Variants in GMDS observed in about 807,000 individuals in gnomAD.
GMDS encodes the protein GDP-mannose 4,6-dehydratase.
In GMDS, 20 loss-of-function variants were observed where a neutral mutation model predicts 49.9. The observed-to-expected ratio is 0.40, with a 90% confidence interval of 0.28 to 0.58. GMDS has a LOEUF of 0.58. Ranked by LOEUF, GMDS falls within the 20% of genes least tolerant of loss-of-function variation. The probability of loss-of-function intolerance (pLI) is 0.42; values close to 1 mark genes in which losing one functional copy is unlikely to be tolerated. For missense variants in GMDS, 362 were observed against 481.4 expected (o/e 0.75, Z 2.32); for synonymous variants, 177 against 178.6 (o/e 0.99, Z 0.07).
At chr6:1,797,558 A>G (rs1769790114) in intron 7 of GMDS, among the ~76,000 whole-genome samples, 1 of 152,224 alleles carries the variant, frequency 6.6e-6, no homozygotes, top group South Asian at 2.1e-4. Context: ...AGTTACTAAC[A>G]TTTTAAAATA....
chr6:2,245,359 G>A lies in GMDS; in HGVS notation c.64C>T (p.Pro22Ser). 1 of 1,553,220 alleles carries A rather than the reference G, an allele frequency of 6.4e-7. No homozygotes were observed. Among genetic ancestry groups the A allele is most frequent in the Non-Finnish European group, 8.7e-7 (1 of 1,154,740 alleles). The change falls in exon 1 of 11, where the codon CCC becomes TCC. Residue 22 changes from proline to serine, a missense_variant. Physicochemically the swap from Pro to Ser is moderately conservative, Grantham distance 74. Coordinates refer to ENST00000380815, the MANE Select transcript of GMDS (RefSeq NM_001500.4). Reference protein sequence around the residue: ...RGSGDGEMGKPRNVALITGIT... With the variant: ...RGSGDGEMGKSRNVALITGIT... ...CCGGTGATGAGCGCCACGTTCCTGG[G>A]CTTGCCCATCTCGCCGTCCCCGGAG...
At chr6:1,727,070 G>C (rs1305739424) in intron 8 of GMDS, among the ~76,000 whole-genome samples, 2 of 152,096 alleles carry the variant, frequency 1.3e-5, no homozygotes, top group East Asian at 3.8e-4. Context: ...GGCCCCCTTA[G>C]TAAGTCTCAG....
chr6:2,026,911 A>G (rs1430186462), intron 4 of GMDS, among the ~76,000 whole-genome samples: 1 of 152,226 alleles, frequency 6.6e-6, no homozygotes, highest in Non-Finnish European at 1.5e-5. Flanking sequence ...GATGTTACCA[A>G]GAAATAGGAA....
At chr6:1,902,716 C>T (rs1249254929) in intron 7 of GMDS, among the ~76,000 whole-genome samples, 1 of 152,152 alleles carries the variant, frequency 6.6e-6, no homozygotes, top group Non-Finnish European at 1.5e-5. Flanking sequence ...TCTAAAAATT[C>T]CTTACAAGTA....
intron 7 of GMDS, among the ~76,000 whole-genome samples, chr6:1,861,130 C>G (rs2113785008): frequency 6.6e-6 from 1 of 152,302 alleles, no homozygotes; most frequent in Admixed American, 6.5e-5. Context: ...TGAGCCAGAT[C>G]ACTGGAGGAG....
At chr6:2,131,969 G>A (rs1322028110) in intron 1 of GMDS, among the ~76,000 whole-genome samples, 2 of 152,114 alleles carry the variant, frequency 1.3e-5, no homozygotes, top group Non-Finnish European at 2.9e-5. Flanking sequence ...TACTAAGAAG[G>A]ATAGTGAGCA....
In GMDS at chr6:1,646,629, C is replaced by T. The variant is rs1763493842; in HGVS notation, c.988-22089G>A. On this transcript the variant is annotated intron_variant, in intron 9 of 10. Coordinates refer to ENST00000380815, the MANE Select transcript of GMDS (RefSeq NM_001500.4). ...AAACTCCTGGGCTCAAGCAATCCAC[C>T]CACTTTGGCCTCCCAAAGTGCTGAA... Among the ~76,000 whole-genome samples the T allele has an allele frequency of 2.0e-5, 3 of 152,108 alleles. 1 individual carries two copies. The highest frequency in any genetic ancestry group is 6.5e-5 in the Admixed American group (1 of 15,282).
chr6:2,110,164 A>T (rs565179833), intron 4 of GMDS, among the ~76,000 whole-genome samples: 9 of 152,230 alleles, frequency 5.9e-5, no homozygotes, highest in African/African-American at 2.2e-4. Context: ...CAGATGTTCA[A>T]CTATAGACTC....
intron 9 of GMDS, among the ~76,000 whole-genome samples, chr6:1,683,495 C>T: frequency 6.6e-6 from 1 of 152,126 alleles, no homozygotes; most frequent in East Asian, 1.9e-4. Context: ...TTATTTTAAC[C>T]CAAGAAACTC....
At chr6:2,188,116 G>A (rs968829020) in intron 1 of GMDS, among the ~76,000 whole-genome samples, 1 of 152,062 alleles carries the variant, frequency 6.6e-6, no homozygotes, top group Admixed American at 6.5e-5. Flanking sequence ...TGCATCACTG[G>A]GGGCAACATG....
intron 7 of GMDS, among the ~76,000 whole-genome samples, chr6:1,848,172 C>CA (rs1757499706): frequency 6.6e-6 from 1 of 152,150 alleles, no homozygotes; most frequent in South Asian, 2.1e-4. Flanking sequence ...CTCACCTTTG[C>CA]ATGTAAAATC....
intron 7 of GMDS, among the ~76,000 whole-genome samples, chr6:1,923,351 G>A (rs1418500770): frequency 2.0e-5 from 3 of 152,170 alleles, no homozygotes; most frequent in South Asian, 2.1e-4. Context: ...GCTGCTCCAC[G>A]TGACGAGGCA....
chr6:2,207,977 C>A (rs1779879384), intron 1 of GMDS, among the ~76,000 whole-genome samples: 1 of 151,598 alleles, frequency 6.6e-6, no homozygotes, highest in African/African-American at 2.4e-5. Flanking sequence ...ATGAAAAACC[C>A]AGTCAGGAAA....
intron 1 of GMDS, among the ~76,000 whole-genome samples, chr6:2,239,675 C>T (rs1318806075): frequency 2.0e-5 from 3 of 151,906 alleles, no homozygotes; most frequent in African/African-American, 7.2e-5. Context: ...CTCTCACTTC[C>T]AATAATGCCA....
chr6:2,098,334 A>T (rs1398956519), intron 4 of GMDS, among the ~76,000 whole-genome samples: 2 of 152,232 alleles, frequency 1.3e-5, no homozygotes, highest in East Asian at 3.8e-4. Context: ...CTGGGATTAC[A>T]GGCGTAAGCC....
chr6:2,222,393 C>T (rs956644927), intron 1 of GMDS, among the ~76,000 whole-genome samples: 3 of 152,214 alleles, frequency 2.0e-5, no homozygotes, highest in African/African-American at 7.2e-5. Context: ...CAACTGCTTC[C>T]ATTCTCACTG....
intron 9 of GMDS, among the ~76,000 whole-genome samples, chr6:1,708,655 G>A (rs1765829975): frequency 6.6e-6 from 1 of 152,182 alleles, no homozygotes; most frequent in East Asian, 1.9e-4. Flanking sequence ...TATTCCTTTT[G>A]AATTAAAATC....
intron 7 of GMDS, 113 bp downstream of exon 7, chr6:1,929,990 T>G: frequency 5.4e-6 from 5 of 929,324 alleles, no homozygotes; most frequent in Non-Finnish European, 8.3e-6. Flanking sequence ...ATACCTGCCT[T>G]GGCAAAGGTT....
At chr6:1,928,058 G>C (rs1762110089) in intron 7 of GMDS, among the ~76,000 whole-genome samples, 1 of 152,142 alleles carries the variant, frequency 6.6e-6, no homozygotes, top group Non-Finnish European at 1.5e-5. Flanking sequence ...ACTTGGAGAA[G>C]AGTTTGGATA....
Sources: allele counts gnomAD v4.1 joint callset (sites outside exome capture counted in the v4.1 genomes callset), GRCh38; gene constraint gnomAD v4.1.1; transcripts MANE v1.5; gene names NCBI Gene and HGNC (gene_info 2026-07-23, HGNC 2026-07-21).